LRRTM4: variants seen among roughly 807,000 people sequenced by gnomAD.
The protein encoded by LRRTM4 is leucine-rich repeat transmembrane neuronal protein 4.
A neutral mutation model predicts 47.6 loss-of-function variants in LRRTM4; 25 were observed. That is an observed-to-expected ratio of 0.53 (90% confidence interval 0.38 to 0.73). The LOEUF is 0.73. LRRTM4 is among the 30% of genes least tolerant of loss of function. The probability of loss-of-function intolerance (pLI) is 0.00; values close to 1 mark genes in which losing one functional copy is unlikely to be tolerated. For synonymous variants in LRRTM4, 311 were observed against 269.5 expected, an observed-to-expected ratio of 1.15 and a Z score of -1.51; for missense variants, 638 against 713.4, an observed-to-expected ratio of 0.89 and a Z score of 1.20.
intron 3 of LRRTM4, among the ~76,000 whole-genome samples, chr2:77,331,340 A>G (rs975350788): frequency 1.3e-5 from 2 of 152,202 alleles, no homozygotes; most frequent in African/African-American, 4.8e-5. Context: ...AATCCAAGGG[A>G]TGCCATTGTT....
At chr2:77,098,973 G>C (rs751494464) in intron 3 of LRRTM4, among the ~76,000 whole-genome samples, 7 of 151,888 alleles carry the variant, frequency 4.6e-5, no homozygotes, top group Non-Finnish European at 7.4e-5. Context: ...AAGTCTGAAA[G>C]TGTCAAATAA....
chr2:77,394,687 G>A (rs1173040408), intron 3 of LRRTM4, among the ~76,000 whole-genome samples: 1 of 151,946 alleles, frequency 6.6e-6, no homozygotes, highest in African/African-American at 2.4e-5. Flanking sequence ...CATACTGAAT[G>A]AACATGCAGG....
intron 3 of LRRTM4, among the ~76,000 whole-genome samples, chr2:76,915,329 C>T (rs75443999): frequency 0.015 from 2,288 of 152,252 alleles, 59 homozygotes; most frequent in African/African-American, 0.053. Context: ...TCCTACCAAT[C>T]ACAGCGATGC....
chr2:77,210,808 C>T (rs1674271716), intron 3 of LRRTM4, among the ~76,000 whole-genome samples: 1 of 152,104 alleles, frequency 6.6e-6, no homozygotes, highest in South Asian at 2.1e-4. Context: ...TAAAAATCTT[C>T]TTCTATCAGG....
At chr2:77,137,671 C>A (rs941579061) in intron 3 of LRRTM4, among the ~76,000 whole-genome samples, 3 of 152,156 alleles carry the variant, frequency 2.0e-5, no homozygotes, top group Admixed American at 1.3e-4. Context: ...TCAAAAGACA[C>A]AGACTGGCAA....
chr2:77,343,461 G>T (rs1271523883), intron 3 of LRRTM4, among the ~76,000 whole-genome samples: 3 of 151,892 alleles, frequency 2.0e-5, no homozygotes, highest in Non-Finnish European at 2.9e-5. Flanking sequence ...CTCTGAACTA[G>T]TAGTAATCAG....
chr2:76,948,578 A>T (rs1272120985), intron 3 of LRRTM4, among the ~76,000 whole-genome samples: 1 of 151,800 alleles, frequency 6.6e-6, no homozygotes, highest in African/African-American at 2.4e-5. Flanking sequence ...TGCAGGTGTT[A>T]TATGGTAACT....
intron 3 of LRRTM4, among the ~76,000 whole-genome samples, chr2:77,365,550 A>T (rs1376532728): frequency 6.6e-6 from 1 of 151,946 alleles, no homozygotes; most frequent in Admixed American, 6.6e-5. Flanking sequence ...AGAGAAGAGA[A>T]TCAAGAAGAA....
At chr2:76,871,909 C>A (rs1672634419) in intron 3 of LRRTM4, among the ~76,000 whole-genome samples, 1 of 152,156 alleles carries the variant, frequency 6.6e-6, no homozygotes, top group African/African-American at 2.4e-5. Context: ...CCTTTCAACA[C>A]CAACTTAAGT....
intron 3 of LRRTM4, among the ~76,000 whole-genome samples, chr2:76,819,963 C>T (rs1671007571): frequency 6.6e-6 from 1 of 151,938 alleles, no homozygotes; most frequent in Admixed American, 6.6e-5. Context: ...CTAATAATGC[C>T]CATCATAGCA....
rs4610079 is a variant in LRRTM4 at position 76,993,734 on chromosome 2, C to T, written c.1552-244818G>A. ...AAGTAAAAATAGAACTACTATTCCA[C>T]CCAGCAGTCCCAACAATGGGTATGT... On this transcript the variant is annotated intron_variant, in intron 3 of 3. Transcript: ENST00000409884. 6.5e-3 allele frequency among the ~76,000 whole-genome samples: 980 copies of T among 151,932 alleles called. 3 individuals are homozygous for T. Among genetic ancestry groups the T allele is most frequent in the Non-Finnish European group, 0.011 (718 of 67,892 alleles).
chr2:77,105,545 AT>A (rs1322181559), intron 3 of LRRTM4, among the ~76,000 whole-genome samples: 3 of 151,346 alleles, frequency 2.0e-5, no homozygotes, highest in African/African-American at 7.3e-5. Context: ...GCATTTGGAG[AT>A]ATACCTAATG....
At chr2:77,232,165 A>T (rs1374324040) in intron 3 of LRRTM4, among the ~76,000 whole-genome samples, 3 of 152,170 alleles carry the variant, frequency 2.0e-5, no homozygotes, top group Admixed American at 2.0e-4. Flanking sequence ...TGAAACCCAG[A>T]CCTGTCAAAT....
In LRRTM4 at chr2:76,814,286, G is replaced by A. The variant is rs185422404; in HGVS notation, c.1552-65370C>T. ...TTTTACAGCTGTGAAATGTGTTTGC[G>A]TTTTAAGCCAAGTGTTACAACAAGA... On this transcript the variant is annotated intron_variant, in intron 3 of 3. Coordinates refer to ENST00000409884, the MANE Select transcript of LRRTM4 (RefSeq NM_001134745.3). Among the ~76,000 whole-genome samples the A allele has an allele frequency of 1.6e-3, 249 of 152,164 alleles. 1 individual carries two copies. The highest frequency in any genetic ancestry group is 5.7e-3 in the African/African-American group (236 of 41,530).
At chr2:77,286,823 G>C (rs1676677121) in intron 3 of LRRTM4, among the ~76,000 whole-genome samples, 1 of 151,890 alleles carries the variant, frequency 6.6e-6, no homozygotes, top group South Asian at 2.1e-4. Context: ...GAGGATTATG[G>C]GCTACCTGAA....
At chr2:77,117,861 A>G (rs879483130) in intron 3 of LRRTM4, among the ~76,000 whole-genome samples, 4 of 151,950 alleles carry the variant, frequency 2.6e-5, no homozygotes, top group Non-Finnish European at 5.9e-5. Context: ...TAAGATTTCA[A>G]TAGTTCATTG....
At chr2:77,072,790 C>T (rs1256964515) in intron 3 of LRRTM4, among the ~76,000 whole-genome samples, 1 of 118,386 alleles carries the variant, frequency 8.4e-6, no homozygotes, top group Non-Finnish European at 1.6e-5. Context: ...CAGAGTGAGA[C>T]TCCGTCTTCC....
At chr2:77,252,841 T>C (rs1675659313) in intron 3 of LRRTM4, among the ~76,000 whole-genome samples, 1 of 152,182 alleles carries the variant, frequency 6.6e-6, no homozygotes, top group South Asian at 2.1e-4. Context: ...GTTCTGGATG[T>C]TAGAAGTCTA....
intron 3 of LRRTM4, among the ~76,000 whole-genome samples, chr2:77,372,578 T>G (rs888954367): frequency 6.6e-6 from 1 of 151,774 alleles, no homozygotes; most frequent in Non-Finnish European, 1.5e-5. Flanking sequence ...CTAGGCATTG[T>G]GGTCTGGTAA....
Sources: allele counts gnomAD v4.1 joint callset (sites outside exome capture counted in the v4.1 genomes callset), GRCh38; gene constraint gnomAD v4.1.1; transcripts MANE v1.5; gene names NCBI Gene and HGNC (gene_info 2026-07-23, HGNC 2026-07-21).